SYT9: variants seen among roughly 807,000 people sequenced by gnomAD.
SYT9 encodes synaptotagmin 9.
Under a neutral mutation model 48.4 loss-of-function variants are expected in SYT9, and 22 were observed. That is an observed-to-expected ratio of 0.45 (90% confidence interval 0.32 to 0.65). The LOEUF (loss-of-function observed/expected upper bound fraction) is 0.65. Among genes scored for constraint, SYT9 ranks in the 30% least tolerant of loss-of-function variants. The probability of loss-of-function intolerance (pLI) is 0.03; values close to 1 mark genes in which losing one functional copy is unlikely to be tolerated. For missense variants in SYT9, 577 were observed against 622.0 expected (o/e 0.93, Z 0.77); for synonymous variants, 265 against 245.0 (o/e 1.08, Z -0.76).
intron 3 of SYT9, among the ~76,000 whole-genome samples, chr11:7,369,168 C>T (rs1400293843): frequency 2.0e-5 from 3 of 152,104 alleles, no homozygotes; most frequent in African/African-American, 7.2e-5. Context: ...TTTTAATAAC[C>T]AACATTCTAA....
At chr11:7,443,899 T>A (rs1360371137) in intron 6 of SYT9, among the ~76,000 whole-genome samples, 1 of 152,248 alleles carries the variant, frequency 6.6e-6, no homozygotes. Flanking sequence ...TATAGAGAAT[T>A]TGGTCATGAT....
chr11:7,421,562 GGCCATCATTCT>G (rs1464159530), intron 6 of SYT9, among the ~76,000 whole-genome samples: 1 of 152,100 alleles, frequency 6.6e-6, no homozygotes, highest in African/African-American at 2.4e-5. Flanking sequence ...GGAGTCAACC[GGCCATCATTCT>G]GCCACTCACA....
chr11:7,408,145 T>C lies in SYT9; in HGVS notation c.1045-7897T>C, dbSNP rs182868917. 1.1e-4 allele frequency among the ~76,000 whole-genome samples: 17 copies of C among 152,050 alleles called. No homozygotes were observed. In the East Asian group the frequency reaches 3.1e-3, roughly 28 times the overall value. On this transcript the variant is annotated intron_variant, in intron 3 of 6. Coordinates refer to ENST00000318881, the MANE Select transcript of SYT9 (RefSeq NM_175733.4). Reference sequence around the variant, plus strand: ...TGATTTTGTTTTTTTGTTTGTTTGTTTGAGATGGAGTCTCGCTCTGTTGCC... The same window carrying C: ...TGATTTTGTTTTTTTGTTTGTTTGTCTGAGATGGAGTCTCGCTCTGTTGCC...
intron 3 of SYT9, among the ~76,000 whole-genome samples, chr11:7,361,416 T>A (rs990440902): frequency 6.6e-6 from 1 of 152,218 alleles, no homozygotes; most frequent in Non-Finnish European, 1.5e-5. Flanking sequence ...ACCAGTTATT[T>A]GGATTAACAG....
intron 5 of SYT9, among the ~76,000 whole-genome samples, chr11:7,418,921 A>AT (rs1168253195): frequency 2.0e-5 from 3 of 152,086 alleles, no homozygotes; most frequent in Admixed American, 6.5e-5. Flanking sequence ...ATTAAAAAAA[A>AT]TATTCTGACT....
Position 7,302,990 on chromosome 11 carries a change from G to A in SYT9, c.146-49G>A, listed in dbSNP as rs374066191. ...TTCTGCCCACGCTGTGCAATGGGTG[G>A]GCTTGAGGGGAATGACCACACTGAC... is the stretch of plus-strand genomic sequence containing the variant. On this transcript the variant is annotated intron_variant, in intron 1 of 6. Transcript: ENST00000318881. The A allele has an allele frequency of 3.2e-6, 5 of 1,542,974 alleles. No homozygotes were observed. The African/African-American group carries it at 6.8e-5, about 21-fold the overall frequency.
intron 2 of SYT9, among the ~76,000 whole-genome samples, chr11:7,311,471 A>AGAGT (rs1157638217): frequency 6.6e-6 from 1 of 152,226 alleles, no homozygotes; most frequent in Non-Finnish European, 1.5e-5. Context: ...GCGGAGCAGC[A>AGAGT]GAGTGACAGG....
chr11:7,384,496 C>T (rs1176281511), intron 3 of SYT9, among the ~76,000 whole-genome samples: 2 of 152,174 alleles, frequency 1.3e-5, no homozygotes, highest in South Asian at 2.1e-4. Context: ...TTCTCTATCA[C>T]TTCTTCCATT....
chr11:7,341,879 G>A (rs1849719305), intron 3 of SYT9, among the ~76,000 whole-genome samples: 1 of 152,090 alleles, frequency 6.6e-6, no homozygotes, highest in South Asian at 2.1e-4. Flanking sequence ...ATGGTTTAAT[G>A]GACTCATAGT....
chr11:7,281,135 G>T (rs1309163007), intron 1 of SYT9, among the ~76,000 whole-genome samples: 2 of 152,194 alleles, frequency 1.3e-5, no homozygotes, highest in Non-Finnish European at 2.9e-5. Flanking sequence ...TTATGCAGGA[G>T]CATATGTATG....
intron 3 of SYT9, among the ~76,000 whole-genome samples, chr11:7,344,349 G>A (rs1284980427): frequency 6.6e-6 from 1 of 151,930 alleles, no homozygotes. Context: ...CCAAGCTATG[G>A]CTTTTTATTC....
At chr11:7,365,145 A>G (rs1850216820) in intron 3 of SYT9, among the ~76,000 whole-genome samples, 1 of 152,086 alleles carries the variant, frequency 6.6e-6, no homozygotes, top group Non-Finnish European at 1.5e-5. Context: ...AAAGGCTCTG[A>G]TAATGGAGTG....
At position 7,436,968 on chromosome 11, in the gene SYT9, G is replaced by A. The variant is rs561962473; in HGVS notation, c.1467+16333G>A. Among the ~76,000 whole-genome samples the A allele has an allele frequency of 5.9e-5, 9 of 152,310 alleles. No individual in the cohort carries two copies. In the South Asian group the frequency reaches 1.9e-3, roughly 32 times the overall value. On this transcript the variant is annotated intron_variant, in intron 6 of 6. Coordinates refer to ENST00000318881, the MANE Select transcript of SYT9 (RefSeq NM_175733.4). Reference sequence around the variant, plus strand: ...TAGCTAGTTTTAGATAACTGTGTGAGGATGATTAAATGATACAACATACCT... The same window carrying A: ...TAGCTAGTTTTAGATAACTGTGTGAAGATGATTAAATGATACAACATACCT...
chr11:7,326,674 T>G (rs1197878250), intron 3 of SYT9, among the ~76,000 whole-genome samples: 1 of 129,718 alleles, frequency 7.7e-6, no homozygotes, highest in African/African-American at 3.0e-5. Context: ...CAAACTATAC[T>G]ACAAGGCTAC....
chr11:7,248,854 A>G (rs1430016970), upstream of SYT9, among the ~76,000 whole-genome samples: 1 of 152,210 alleles, frequency 6.6e-6, no homozygotes, highest in African/African-American at 2.4e-5. Flanking sequence ...TATGGAACCA[A>G]AAAAGAGCCC....
chr11:7,300,993 A>T (rs1848910072), intron 1 of SYT9, among the ~76,000 whole-genome samples: 2 of 152,006 alleles, frequency 1.3e-5, no homozygotes, highest in Admixed American at 1.3e-4. Flanking sequence ...TGGGATTTTT[A>T]ATTTTTATTT....
chr11:7,332,895 G>A lies in SYT9; in HGVS notation c.1044+18954G>A, dbSNP rs1049976187. On this transcript the variant is annotated intron_variant, in intron 3 of 6. Transcript: ENST00000318881. ...CTCTGAAGAAAGGTGAGACCAGTAA[G>A]GGAGAACATTCCCCTGGGACTACAT... Among the ~76,000 whole-genome samples, 4 of 152,222 alleles carry A rather than the reference G, an allele frequency of 2.6e-5. 1 individual carries two copies. The highest frequency in any genetic ancestry group is 2.6e-4 in the Admixed American group (4 of 15,282).
At chr11:7,248,675 A>C (rs1346409357), upstream of SYT9, among the ~76,000 whole-genome samples, 2 of 152,208 alleles carry the variant, frequency 1.3e-5, no homozygotes, top group African/African-American at 4.8e-5. Flanking sequence ...GCTGAAAGAG[A>C]TCAGAGATGA....
At chr11:7,276,573 G>GC (rs1848397415) in intron 1 of SYT9, among the ~76,000 whole-genome samples, 2 of 152,158 alleles carry the variant, frequency 1.3e-5, no homozygotes, top group South Asian at 4.1e-4. Context: ...TGCAGGGTGT[G>GC]CCCCACAGTT....
Sources: allele counts gnomAD v4.1 joint callset (sites outside exome capture counted in the v4.1 genomes callset), GRCh38; gene constraint gnomAD v4.1.1; transcripts MANE v1.5; gene names NCBI Gene and HGNC (gene_info 2026-07-23, HGNC 2026-07-21).